XPO1: variants seen among roughly 807,000 people sequenced by gnomAD.
XPO1 encodes the protein exportin 1, also known as exportin-1.
XPO1 carries 5 observed loss-of-function variants against 133.3 expected under a neutral mutation model. That is an observed-to-expected ratio of 0.04 (90% confidence interval 0.02 to 0.08). The LOEUF (loss-of-function observed/expected upper bound fraction) is 0.08, where lower values mean the gene tolerates loss of function less well. Among genes scored for constraint, XPO1 ranks in the 10% least tolerant of loss-of-function variants. The pLI is 1.00. For missense variants in XPO1, 506 were observed against 1,267.5 expected (o/e 0.40, Z 9.12); for synonymous variants, 419 against 408.2 (o/e 1.03, Z -0.32).
chr2:61,522,344 A>C (rs1240445589), intron 4 of XPO1, among the ~76,000 whole-genome samples: 1 of 152,212 alleles, frequency 6.6e-6, no homozygotes, highest in Non-Finnish European at 1.5e-5. Context: ...GGCGTGGGCC[A>C]CTGTGCCATA....
At chr2:61,516,890 C>T (rs980071739) in intron 4 of XPO1, among the ~76,000 whole-genome samples, 1 of 151,816 alleles carries the variant, frequency 6.6e-6, no homozygotes, top group Non-Finnish European at 1.5e-5. Flanking sequence ...ATCTAAATGC[C>T]ATTTTTAATT....
Position 61,485,862 on chromosome 2 carries a change from G to A in XPO1, c.2414C>T (p.Ala805Val). 6.2e-7 allele frequency: 1 copy of A among 1,613,998 alleles called. No homozygotes were observed. Among genetic ancestry groups the A allele is most frequent in the Non-Finnish European group, 8.5e-7 (1 of 1,179,974 alleles). Residue 805 changes from alanine (A) to valine (V), a missense_variant, in exon 20 of 25, where the codon GCC becomes GTC. This residue lies in a region of XPO1 where 203 missense variants were observed against 365.9 expected (regional missense o/e 0.55). Transcript: ENST00000401558. ...AREPEVLSTMAIIVNKLGGHI... is the reference protein window; with the variant it reads ...AREPEVLSTMVIIVNKLGGHI... ...TCCCCCTAACTTGTTGACAATTATG[G>A]CCATAGTACTAAGCACTTCTGGTTC...
At chr2:61,526,237 C>T in intron 3 of XPO1, 183 bp downstream of exon 3, 13 of 1,398,442 alleles carry the variant, frequency 9.3e-6, no homozygotes, top group Non-Finnish European at 1.2e-5. Flanking sequence ...TACAAAACTT[C>T]ATTCATAATT....
chr2:61,531,064 A>C (rs560483687), intron 2 of XPO1, among the ~76,000 whole-genome samples: 4 of 152,214 alleles, frequency 2.6e-5, no homozygotes, highest in Non-Finnish European at 4.4e-5. Context: ...AAGACGTCTA[A>C]CACTAAAAAT....
intron 4 of XPO1, among the ~76,000 whole-genome samples, chr2:61,518,522 C>G (rs1698524443): frequency 1.3e-5 from 2 of 150,522 alleles, no homozygotes; most frequent in Non-Finnish European, 2.9e-5. Context: ...GAGGCTGAGG[C>G]AGGAGAATGG....
At chr2:61,503,613 A>G (rs1365461035) in intron 4 of XPO1, among the ~76,000 whole-genome samples, 1 of 151,872 alleles carries the variant, frequency 6.6e-6, no homozygotes, top group Non-Finnish European at 1.5e-5. Flanking sequence ...TTTAGTAGAG[A>G]TGGGGTTTCA....
At chr2:61,508,074 G>C (rs1478472739) in intron 4 of XPO1, among the ~76,000 whole-genome samples, 1 of 151,664 alleles carries the variant, frequency 6.6e-6, no homozygotes, top group Non-Finnish European at 1.5e-5. Flanking sequence ...TCCAAAGTTG[G>C]TAGGTCAGGT....
chr2:61,506,714 T>TA (rs1292015300), intron 4 of XPO1, among the ~76,000 whole-genome samples: 3 of 149,506 alleles, frequency 2.0e-5, no homozygotes, highest in South Asian at 2.1e-4. Flanking sequence ...AATAAATAAA[T>TA]AATTAGCAAT....
At chr2:61,524,931 CT>C (rs921050381) in intron 3 of XPO1, among the ~76,000 whole-genome samples, 46 of 145,078 alleles carry the variant, frequency 3.2e-4, no homozygotes, top group Admixed American at 6.9e-4. Flanking sequence ...AATTTTTTTT[CT>C]TTTTTTTTTT....
chr2:61,496,639 T>TCC (rs1243715810), intron 10 of XPO1, among the ~76,000 whole-genome samples: 1 of 152,160 alleles, frequency 6.6e-6, no homozygotes, highest in African/African-American at 2.4e-5. Context: ...GTCAGGTATC[T>TCC]CCCAAAAGAC....
intron 7 of XPO1, 81 bp from the exon 8 acceptor site, chr2:61,498,994 GA>G: frequency 7.0e-7 from 1 of 1,437,138 alleles, no homozygotes; most frequent in Non-Finnish European, 9.3e-7. Flanking sequence ...TAATAAAAAT[GA>G]TTAAAGCCCA....
intron 4 of XPO1, among the ~76,000 whole-genome samples, chr2:61,506,860 A>G (rs557570089): frequency 6.8e-4 from 104 of 152,216 alleles, no homozygotes; most frequent in African/African-American, 2.4e-3. Context: ...TCTCAGTTGC[A>G]AAACAGACAT....
At chr2:61,490,897 G>T in intron 16 of XPO1, 121 bp from the exon 17 acceptor site, 1 of 1,219,506 alleles carries the variant, frequency 8.2e-7, no homozygotes, top group Non-Finnish European at 1.1e-6. Context: ...GATCACTCCT[G>T]TAATCCCAAT....
At chr2:61,538,363 C>A, upstream of XPO1, 1 of 156,660 alleles carries the variant, frequency 6.4e-6, no homozygotes. Flanking sequence ...ACCTGGGCCT[C>A]CGCCCCCAGC....
At chr2:61,490,221 CAG>C (rs1386448958) in intron 17 of XPO1, among the ~76,000 whole-genome samples, 31 of 134,116 alleles carry the variant, frequency 2.3e-4, no homozygotes, top group African/African-American at 7.6e-4. Flanking sequence ...TTTTTTGAGA[CAG>C]AGTCTTGCTC....
chr2:61,490,490 C>T (rs1385547184), intron 17 of XPO1, 152 bp downstream of exon 17: 17 of 1,157,798 alleles, frequency 1.5e-5, no homozygotes, highest in African/African-American at 1.6e-5. Context: ...TGAGCCACCA[C>T]ACCTCGCCCA....
chr2:61,481,277 G>T lies in XPO1; in HGVS notation c.2977C>A (p.Gln993Lys). The T allele has an allele frequency of 1.2e-6, 2 of 1,605,456 alleles. No homozygotes were observed. Among genetic ancestry groups the T allele is most frequent in the South Asian group, 2.2e-5 (2 of 89,780 alleles). Residue 993 changes from glutamine (Q) to lysine (K), a missense_variant, in exon 24 of 25, where the codon CAA (glutamine) becomes AAA (lysine). By Grantham distance (53) the Gln-to-Lys change is moderately conservative. Transcript: ENST00000401558. ...AGCCCTGTCACAAAGAGCTTTACTT[G>T]AGCACTGCAAATCAAAACACAATGA... ...KSAFPHLQDA[Q>K]VKLFVTGLFS...
intron 4 of XPO1, 68 bp from the exon 5 acceptor site, chr2:61,502,378 GAACT>G: frequency 7.1e-7 from 1 of 1,409,894 alleles, no homozygotes; most frequent in Non-Finnish European, 9.9e-7. Flanking sequence ...TAAATTTTGA[GAACT>G]AATTAATGTG....
intron 10 of XPO1, among the ~76,000 whole-genome samples, chr2:61,496,240 T>C (rs1253462095): frequency 6.6e-6 from 1 of 151,568 alleles, no homozygotes; most frequent in African/African-American, 2.4e-5. Context: ...GAGACAGGGA[T>C]TTACCCTGTC....
Sources: gnomAD v4.1 joint callset for allele counts (sites outside exome capture counted in the v4.1 genomes callset) on GRCh38, gnomAD v4.1.1 for gene constraint, gnomAD v4.1.1 regional missense constraint, MANE v1.5 for transcripts, NCBI Gene and HGNC (gene_info 2026-07-23, HGNC 2026-07-21) for gene names.